Variants in SOS2 observed in about 807,000 individuals in gnomAD.
The protein encoded by SOS2 is son of sevenless homolog 2.
In SOS2, 65 loss-of-function variants were observed where a neutral mutation model predicts 148.2. That is an observed-to-expected ratio of 0.44 (90% confidence interval 0.36 to 0.54). The LOEUF is 0.54. Ranked by LOEUF, SOS2 falls within the 20% of genes least tolerant of loss-of-function variation. SOS2 has a pLI of 0.00. For synonymous variants in SOS2, 539 were observed against 537.1 expected (o/e 1.00, Z -0.05); for missense variants, 1,341 against 1,590.2 (o/e 0.84, Z 2.67).
At chr14:50,217,657 T>C (rs1887072971) in intron 1 of SOS2, among the ~76,000 whole-genome samples, 1 of 152,166 alleles carries the variant, frequency 6.6e-6, no homozygotes, top group Non-Finnish European at 1.5e-5. Flanking sequence ...AACAAATTGA[T>C]AAAAATTTAA....
chr14:50,119,802 CCTTTT>C (rs1594952221), intron 22 of SOS2, among the ~76,000 whole-genome samples: 2 of 126,022 alleles, frequency 1.6e-5, no homozygotes, highest in African/African-American at 6.3e-5. Context: ...TCCCAACCAG[CCTTTT>C]TTTTTTTTTT....
At chr14:50,211,615 A>C (rs1399737570) in intron 1 of SOS2, among the ~76,000 whole-genome samples, 3 of 3,684 alleles carry the variant, frequency 8.1e-4, no homozygotes, top group African/African-American at 7.8e-3. Flanking sequence ...TTAATTAATT[A>C]TTATTATTAT....
intron 13 of SOS2, among the ~76,000 whole-genome samples, chr14:50,150,564 CTTT>C (rs11288068): frequency 2.8e-4 from 39 of 138,210 alleles, no homozygotes; most frequent in Middle Eastern, 3.7e-3. Context: ...GATTATTTTC[CTTT>C]TTTTTTTTTT....
chr14:50,185,064 T>C (rs1321520073), intron 5 of SOS2, among the ~76,000 whole-genome samples: 1 of 152,072 alleles, frequency 6.6e-6, no homozygotes, highest in African/African-American at 2.4e-5. Context: ...AAGTCCTTCA[T>C]AATAAACTGG....
intron 21 of SOS2, among the ~76,000 whole-genome samples, chr14:50,129,611 T>C (rs1292774931): frequency 6.6e-6 from 1 of 152,170 alleles, no homozygotes; most frequent in Non-Finnish European, 1.5e-5. Flanking sequence ...GGTCTTGAAC[T>C]CCTGACCTCG....
chr14:50,142,408 C>G (rs74244415), intron 16 of SOS2, among the ~76,000 whole-genome samples: 29,263 of 151,880 alleles, frequency 0.19, 2,988 homozygotes, highest in East Asian at 0.44. Flanking sequence ...ATGTATAAAG[C>G]AGTTTTTCCT....
At position 50,118,581 on chromosome 14, in the gene SOS2, C is replaced by T. The variant is rs769536087; in HGVS notation, c.3762G>A (p.Thr1254=). ...GAGGAGTGCTTGGCGAATTTGGACA[C>T]GTACTAATGTCTCTGAGCCAGTCTG... The part of the protein sequence containing the change: ...RDSDWLRDIS[T]CPNSPSTPPS... The change falls in exon 23 of 23, where the codon ACG becomes ACA. Residue 1254 remains threonine, a synonymous_variant. Coordinates refer to ENST00000216373, the MANE Select transcript of SOS2 (RefSeq NM_006939.4). 2.9e-5 allele frequency: 46 copies of T among 1,613,992 alleles called. 1 individual carries two copies. The highest frequency in any genetic ancestry group is 2.2e-4 in the South Asian group (20 of 91,090).
chr14:50,169,336 T>TAAAA (rs1555370710), intron 8 of SOS2, among the ~76,000 whole-genome samples: 1 of 16,944 alleles, frequency 5.9e-5, no homozygotes, highest in Admixed American at 7.1e-4. Flanking sequence ...AAAATAAAAA[T>TAAAA]AAAAAACAAA....
chr14:50,206,329 A>G (rs766101942), intron 1 of SOS2, among the ~76,000 whole-genome samples: 2 of 152,232 alleles, frequency 1.3e-5, no homozygotes, highest in Non-Finnish European at 2.9e-5. Flanking sequence ...GTCATCCTTC[A>G]GTGTCTGTGG....
At chr14:50,199,881 T>C in intron 3 of SOS2, 26 bp from the exon 4 acceptor site, 1 of 1,462,144 alleles carries the variant, frequency 6.8e-7, no homozygotes, top group South Asian at 1.3e-5. Flanking sequence ...ATAATTTAAT[T>C]GCAAAATGTA....
chr14:50,130,141 A>AAC lies in SOS2; in HGVS notation c.3338-141_3338-140dup, dbSNP rs1391255259. The AAC allele has an allele frequency of 8.2e-6, 5 of 608,112 alleles. No homozygotes were observed. The African/African-American group carries it at 9.4e-5, about 11-fold the overall frequency. The allele number at this position is 608,112 out of a possible 1,614,324, so 37.7% of individuals were successfully genotyped here. On this transcript the variant is annotated intron_variant, in intron 20 of 22. Transcript: ENST00000216373. ...TGCCATGTTAGTTTTTTAAAAAATT[A>AAC]ACTCAGAACCTTCTGTATCTAGAAT...
chr14:50,133,740 C>T (rs961758698), intron 19 of SOS2, among the ~76,000 whole-genome samples: 1 of 152,336 alleles, frequency 6.6e-6, no homozygotes, highest in African/African-American at 2.4e-5. Flanking sequence ...CCAGAGGCAA[C>T]TATGGACCAT....
intron 7 of SOS2, among the ~76,000 whole-genome samples, chr14:50,178,094 T>C (rs1885585125): frequency 6.6e-6 from 1 of 152,186 alleles, no homozygotes; most frequent in African/African-American, 2.4e-5. Flanking sequence ...AGACGAAAAT[T>C]GGGAACATGT....
intron 5 of SOS2, among the ~76,000 whole-genome samples, chr14:50,184,477 G>A (rs1180826323): frequency 6.6e-6 from 1 of 152,072 alleles, no homozygotes; most frequent in African/African-American, 2.4e-5. Context: ...TAAATACTGA[G>A]TTTATGCTAA....
intron 5 of SOS2, among the ~76,000 whole-genome samples, chr14:50,185,900 A>G (rs1346925913): frequency 6.6e-6 from 1 of 152,100 alleles, no homozygotes; most frequent in Non-Finnish European, 1.5e-5. Flanking sequence ...CTCATTTTAC[A>G]AATGAGGAAA....
intron 9 of SOS2, among the ~76,000 whole-genome samples, chr14:50,160,405 T>TGAG (rs1884960394): frequency 1.0e-5 from 1 of 99,292 alleles, no homozygotes; most frequent in Non-Finnish European, 2.1e-5. Flanking sequence ...TTTTTTTTTT[T>TGAG]TTTTTTTTGG....
At chr14:50,192,084 T>C (rs1886156690) in intron 4 of SOS2, among the ~76,000 whole-genome samples, 1 of 138,454 alleles carries the variant, frequency 7.2e-6, no homozygotes, top group Non-Finnish European at 1.5e-5. Flanking sequence ...CTCTGGAGGT[T>C]GAGGCTGCAG....
At chr14:50,219,479 G>A (rs1197103212) in intron 1 of SOS2, among the ~76,000 whole-genome samples, 1 of 152,064 alleles carries the variant, frequency 6.6e-6, no homozygotes, top group Non-Finnish European at 1.5e-5. Flanking sequence ...AAATGCAATC[G>A]ATAATGACAG....
chr14:50,208,572 G>C (rs1426267194), intron 1 of SOS2, among the ~76,000 whole-genome samples: 1 of 152,038 alleles, frequency 6.6e-6, no homozygotes, highest in African/African-American at 2.4e-5. Flanking sequence ...CGCTTGAACT[G>C]GGAAGCAGAG....
Sources: gnomAD v4.1 joint callset for allele counts (sites outside exome capture counted in the v4.1 genomes callset) on GRCh38, gnomAD v4.1.1 for gene constraint, MANE v1.5 for transcripts, NCBI Gene and HGNC (gene_info 2026-07-23, HGNC 2026-07-21) for gene names.